TMEM132C: variants seen among roughly 807,000 people sequenced by gnomAD.
TMEM132C encodes protein phosphatase 1, regulatory subunit 152.
In TMEM132C, 29 loss-of-function variants were observed where a neutral mutation model predicts 61.4. That is an observed-to-expected ratio of 0.47 (90% CI 0.35 to 0.64). The LOEUF (loss-of-function observed/expected upper bound fraction) is 0.64. Among genes scored for constraint, TMEM132C ranks in the 30% least tolerant of loss-of-function variants. The pLI, the probability that TMEM132C is intolerant of heterozygous loss-of-function variation, is 0.00. For missense variants in TMEM132C, 1,408 were observed against 1,476.9 expected, an observed-to-expected ratio of 0.95 and a Z score of 0.76; for synonymous variants, 656 against 633.1, an observed-to-expected ratio of 1.04 and a Z score of -0.54.
intron 1 of TMEM132C, among the ~76,000 whole-genome samples, chr12:128,316,515 A>C (rs763523807): frequency 9.2e-5 from 14 of 152,160 alleles, no homozygotes; most frequent in Non-Finnish European, 1.8e-4. Flanking sequence ...CCCACTGTGA[A>C]ATCTTTGGTG....
chr12:128,396,519 T>C (rs1240225367), intron 1 of TMEM132C, among the ~76,000 whole-genome samples: 1 of 152,120 alleles, frequency 6.6e-6, no homozygotes, highest in African/African-American at 2.4e-5. Flanking sequence ...CATGTATACC[T>C]ATATAACAAA....
chr12:128,650,094 T>C (rs1954253064), intron 4 of TMEM132C, among the ~76,000 whole-genome samples: 1 of 152,146 alleles, frequency 6.6e-6, no homozygotes, highest in South Asian at 2.1e-4. Flanking sequence ...CTCCCCAGGA[T>C]TGATCTGTTA....
intron 2 of TMEM132C, among the ~76,000 whole-genome samples, chr12:128,535,603 T>C (rs1345679636): frequency 6.6e-6 from 1 of 152,140 alleles, no homozygotes; most frequent in Non-Finnish European, 1.5e-5. Context: ...GTGCAGTGGC[T>C]CACGCCTGTA....
Position 128,496,238 on chromosome 12 carries a change from C to T in TMEM132C, c.975-47719C>T, listed in dbSNP as rs192695981. 2.9e-4 allele frequency among the ~76,000 whole-genome samples: 44 copies of T among 152,302 alleles called. No individual in the cohort carries two copies. In the East Asian group the frequency reaches 2.9e-3, roughly 10 times the overall value. On this transcript the variant is annotated intron_variant, in intron 2 of 8. Coordinates refer to ENST00000435159, the MANE Select transcript of TMEM132C (RefSeq NM_001136103.3). ...GATGAGCTTCCTTTTGTGGGTAACC[C>T]GACCTTTCTCTTTGGCTGCACTTAA...
chr12:128,575,594 A>G lies in TMEM132C; in HGVS notation c.1121+31491A>G, dbSNP rs111609894. Among the ~76,000 whole-genome samples, 1,490 of 152,400 alleles carry G rather than the reference A, an allele frequency of 9.8e-3. 33 individuals carry two copies. Among genetic ancestry groups the G allele is most frequent in the African/African-American group, 0.034 (1,413 of 41,600 alleles). On this transcript the variant is annotated intron_variant, in intron 3 of 8. Transcript: ENST00000435159. ...TTTTATCAATGAAAGGCAGAGAAAT[A>G]TACAGACCATGAGATAAATTTATAA...
At chr12:128,404,272 A>G (rs1875263287) in intron 1 of TMEM132C, among the ~76,000 whole-genome samples, 1 of 152,174 alleles carries the variant, frequency 6.6e-6, no homozygotes, top group Non-Finnish European at 1.5e-5. Flanking sequence ...TTGTGGGCAT[A>G]TTTGTATATT....
chr12:128,519,491 A>C (rs10773549), intron 2 of TMEM132C, among the ~76,000 whole-genome samples: 139,789 of 152,210 alleles, frequency 0.92, 65,263 homozygotes, highest in East Asian at 1. Context: ...GCATTCATCA[A>C]ATCTTTACAA....
chr12:128,289,480 C>G (rs1230270039), intron 1 of TMEM132C, among the ~76,000 whole-genome samples: 1 of 152,172 alleles, frequency 6.6e-6, no homozygotes, highest in Non-Finnish European at 1.5e-5. Flanking sequence ...TTAATGGTAA[C>G]TTTACAGTTT....
chr12:128,367,408 G>A (rs1327810373), intron 1 of TMEM132C, among the ~76,000 whole-genome samples: 4 of 152,168 alleles, frequency 2.6e-5, no homozygotes, highest in Admixed American at 1.3e-4. Context: ...TTCTGGTGAG[G>A]TGTTTTTGGC....
At chr12:128,364,068 T>G (rs906282146) in intron 1 of TMEM132C, among the ~76,000 whole-genome samples, 3 of 152,088 alleles carry the variant, frequency 2.0e-5, no homozygotes, top group African/African-American at 7.2e-5. Context: ...AGATTCCTCA[T>G]GGCTGGAGGA....
At position 128,512,876 on chromosome 12, in the gene TMEM132C, T is replaced by C. The variant is rs187053775; in HGVS notation, c.975-31081T>C. Among the ~76,000 whole-genome samples the C allele has an allele frequency of 1.2e-3, 183 of 152,140 alleles. 1 individual carries two copies. Among genetic ancestry groups the C allele is most frequent in the African/African-American group, 4.1e-3 (170 of 41,516 alleles). Reference sequence around the variant, plus strand: ...AAGCCACACACACAAAACAAGAAAATTTAAAGCCAAGAATGTGTGACTTTC... The same window carrying C: ...AAGCCACACACACAAAACAAGAAAACTTAAAGCCAAGAATGTGTGACTTTC... On this transcript the variant is annotated intron_variant, in intron 2 of 8. Transcript: ENST00000435159.
At chr12:128,554,686 A>G (rs1454503895) in intron 3 of TMEM132C, among the ~76,000 whole-genome samples, 2 of 152,198 alleles carry the variant, frequency 1.3e-5, no homozygotes, top group African/African-American at 2.4e-5. Context: ...AGGGACTTAG[A>G]AAGAAGGCCA....
intron 2 of TMEM132C, among the ~76,000 whole-genome samples, chr12:128,417,238 A>T (rs1479866977): frequency 6.6e-6 from 1 of 152,200 alleles, no homozygotes; most frequent in East Asian, 1.9e-4. Context: ...AGCTGGAGAC[A>T]GAACGTCTCC....
intron 1 of TMEM132C, among the ~76,000 whole-genome samples, chr12:128,319,450 A>G (rs1278335772): frequency 6.6e-6 from 1 of 152,028 alleles, no homozygotes; most frequent in African/African-American, 2.4e-5. Context: ...CTGAGGGAGT[A>G]CAGGACCCCT....
rs377490286 is a variant in TMEM132C, at chr12:128,578,164, G to A, written c.1121+34061G>A. ...GCCCGCTTCCCTCCACGCCAGTGGAGCTGAGTGAGCCTAAATGGCTCCCTT... is the reference window on the plus strand; with the variant it reads ...GCCCGCTTCCCTCCACGCCAGTGGAACTGAGTGAGCCTAAATGGCTCCCTT... On this transcript the variant is annotated intron_variant, in intron 3 of 8. Transcript: ENST00000435159. Among the ~76,000 whole-genome samples, 4 of 152,388 alleles carry A rather than the reference G, an allele frequency of 2.6e-5. No homozygotes were observed. In the East Asian group the frequency reaches 7.7e-4, roughly 29 times the overall value.
At chr12:128,637,171 G>A (rs1954111030) in intron 4 of TMEM132C, among the ~76,000 whole-genome samples, 1 of 152,100 alleles carries the variant, frequency 6.6e-6, no homozygotes. Flanking sequence ...TTATTTTTAA[G>A]GTCTTCTTTT....
At chr12:128,477,209 C>T (rs983340974) in intron 2 of TMEM132C, among the ~76,000 whole-genome samples, 4 of 152,108 alleles carry the variant, frequency 2.6e-5, no homozygotes, top group African/African-American at 7.2e-5. Flanking sequence ...AATCTTGCTG[C>T]GAATCTTGGC....
At chr12:128,501,691 C>A (rs115117031) in intron 2 of TMEM132C, among the ~76,000 whole-genome samples, 1 of 152,104 alleles carries the variant, frequency 6.6e-6, no homozygotes, top group South Asian at 2.1e-4. Flanking sequence ...ATGATTCAAC[C>A]GCCAACCACA....
intron 5 of TMEM132C, among the ~76,000 whole-genome samples, chr12:128,672,580 T>C (rs1389224460): frequency 1.3e-5 from 2 of 152,208 alleles, no homozygotes; most frequent in African/African-American, 4.8e-5. Context: ...CCAGAGTTGA[T>C]ACCCCTGGCT....
Sources: allele counts gnomAD v4.1 joint callset (sites outside exome capture counted in the v4.1 genomes callset), GRCh38; gene constraint gnomAD v4.1.1; transcripts MANE v1.5; gene names NCBI Gene and HGNC (gene_info 2026-07-23, HGNC 2026-07-21).